TMEM232: variants seen among roughly 807,000 people sequenced by gnomAD.
The protein encoded by TMEM232 is transmembrane protein 232.
Under a neutral mutation model 78.8 loss-of-function variants are expected in TMEM232, and 80 were observed. The observed-to-expected ratio is 1.01, with a 90% confidence interval of 0.85 to 1.22. The LOEUF is 1.22. Ranked by LOEUF, TMEM232 falls within the 50% of genes most tolerant of loss-of-function variation. The pLI is 0.00. For synonymous variants in TMEM232, 297 were observed against 254.3 expected, an observed-to-expected ratio of 1.17 and a Z score of -1.60; for missense variants, 881 against 742.2, an observed-to-expected ratio of 1.19 and a Z score of -2.17.
intron 10 of TMEM232, among the ~76,000 whole-genome samples, chr5:110,600,647 G>A (rs914640031): frequency 1.3e-5 from 2 of 151,952 alleles, no homozygotes; most frequent in African/African-American, 4.8e-5. Flanking sequence ...CAAATAACAA[G>A]TTCTGAAATT....
At chr5:110,466,111 G>A (rs1203767750) in intron 12 of TMEM232, among the ~76,000 whole-genome samples, 1 of 152,158 alleles carries the variant, frequency 6.6e-6, no homozygotes, top group Admixed American at 6.5e-5. Flanking sequence ...AGGCATTTAT[G>A]GAGAGATTGG....
At chr5:110,453,852 T>G (rs377749279) in intron 12 of TMEM232, among the ~76,000 whole-genome samples, 1 of 150,228 alleles carries the variant, frequency 6.7e-6, no homozygotes, top group Non-Finnish European at 1.5e-5. Context: ...ACCAATGTTA[T>G]AAGACATCAG....
chr5:110,697,617 C>A (rs1466717828), intron 1 of TMEM232, among the ~76,000 whole-genome samples: 3 of 152,240 alleles, frequency 2.0e-5, no homozygotes, highest in Non-Finnish European at 4.4e-5. Context: ...AAACAAACAA[C>A]CCCATCAACA....
chr5:110,489,964 A>G (rs1005592699), intron 12 of TMEM232, among the ~76,000 whole-genome samples: 3 of 151,864 alleles, frequency 2.0e-5, no homozygotes, highest in African/African-American at 7.3e-5. Context: ...TCTCTACTAA[A>G]AATAGAAAAA....
At chr5:110,652,970 C>A (rs530546492) in intron 2 of TMEM232, among the ~76,000 whole-genome samples, 3 of 152,300 alleles carry the variant, frequency 2.0e-5, no homozygotes, top group African/African-American at 7.2e-5. Context: ...GCCATCCAAA[C>A]TGACTGTATT....
chr5:110,697,834 T>G (rs1331325319), intron 1 of TMEM232, among the ~76,000 whole-genome samples: 2 of 152,346 alleles, frequency 1.3e-5, no homozygotes, highest in Admixed American at 1.3e-4. Flanking sequence ...TTTACACTGT[T>G]GGTGGGACTG....
At chr5:110,666,793 C>T (rs571109650) in intron 2 of TMEM232, 2 of 153,634 alleles carry the variant, frequency 1.3e-5, no homozygotes, top group African/African-American at 2.4e-5. Context: ...TTATTTGTGA[C>T]TGTAAAGTCT....
chr5:110,643,608 T>C (rs1787056726), intron 2 of TMEM232, among the ~76,000 whole-genome samples: 1 of 152,054 alleles, frequency 6.6e-6, no homozygotes, highest in Non-Finnish European at 1.5e-5. Flanking sequence ...TTTTGTGAAG[T>C]AAAATTATTG....
At chr5:110,483,029 G>A (rs1020652230) in intron 12 of TMEM232, among the ~76,000 whole-genome samples, 5 of 152,086 alleles carry the variant, frequency 3.3e-5, no homozygotes, top group African/African-American at 9.7e-5. Context: ...AAGTATAAAA[G>A]TATAAATGTA....
chr5:110,661,696 C>T (rs2150106167), intron 2 of TMEM232, among the ~76,000 whole-genome samples: 1 of 152,284 alleles, frequency 6.6e-6, no homozygotes, highest in Non-Finnish European at 1.5e-5. Context: ...TATGACAATT[C>T]TATTTTTGGC....
At chr5:110,566,328 T>C (rs1363460515) in intron 11 of TMEM232, among the ~76,000 whole-genome samples, 1 of 151,900 alleles carries the variant, frequency 6.6e-6, no homozygotes, top group Non-Finnish European at 1.5e-5. Context: ...ATTTTCCCTT[T>C]TGTCTTGGTC....
chr5:110,651,273 G>T (rs1000418265), intron 2 of TMEM232, among the ~76,000 whole-genome samples: 3 of 152,102 alleles, frequency 2.0e-5, no homozygotes, highest in Non-Finnish European at 2.9e-5. Flanking sequence ...AATTTAACTA[G>T]AGTGATGTGG....
Position 110,394,684 on chromosome 5 carries a change from G to A in TMEM232, n.390+3089C>T, listed in dbSNP as rs986807254. ...TTTTCATTTCCTATTTTATCTCTTCGTTGACCCACTGGTCATTCAGGAGCA... is the reference window on the plus strand; with the variant it reads ...TTTTCATTTCCTATTTTATCTCTTCATTGACCCACTGGTCATTCAGGAGCA... On this transcript the variant is annotated intron_variant and non_coding_transcript_variant, in intron 3 of 8. Coordinates refer to the TMEM232 transcript ENST00000507188. Among the ~76,000 whole-genome samples the A allele has an allele frequency of 6.6e-5, 10 of 152,026 alleles. No individual in the cohort carries two copies. The South Asian group carries it at 8.3e-4, about 13-fold the overall frequency.
At chr5:110,640,857 C>T (rs759493663) in intron 4 of TMEM232, 34 bp downstream of exon 4, 9 of 1,419,784 alleles carry the variant, frequency 6.3e-6, no homozygotes, top group African/African-American at 4.3e-5. Context: ...ATAGAAAATA[C>T]TTAGGATGCC....
chr5:110,483,032 T>G (rs955324647), intron 12 of TMEM232, among the ~76,000 whole-genome samples: 1 of 152,312 alleles, frequency 6.6e-6, no homozygotes, highest in East Asian at 1.9e-4. Flanking sequence ...TATAAAAGTA[T>G]AAATGTATTT....
intron 12 of TMEM232, among the ~76,000 whole-genome samples, chr5:110,455,622 C>A (rs1160970061): frequency 1.3e-5 from 2 of 152,130 alleles, no homozygotes; most frequent in African/African-American, 2.4e-5. Flanking sequence ...TCGTTATCCA[C>A]CCGCCTCAGC....
At chr5:110,534,582 G>A (rs144257891) in intron 11 of TMEM232, among the ~76,000 whole-genome samples, 4,409 of 152,146 alleles carry the variant, frequency 0.029, 68 homozygotes, top group African/African-American at 0.047. Flanking sequence ...ACTATCTTCT[G>A]TCTAGTCATA....
chr5:110,422,321 C>T (rs922638065), intron 13 of TMEM232, among the ~76,000 whole-genome samples: 1 of 151,712 alleles, frequency 6.6e-6, no homozygotes, highest in African/African-American at 2.4e-5. Context: ...GGAGACCATC[C>T]TGGCTAACAC....
chr5:110,392,200 A>T (rs1432945782), intron 3 of TMEM232, among the ~76,000 whole-genome samples: 1 of 152,192 alleles, frequency 6.6e-6, no homozygotes, highest in African/African-American at 2.4e-5. Context: ...TGGTGCCTTA[A>T]TTGCTCTCCC....
Sources: allele counts gnomAD v4.1 joint callset (sites outside exome capture counted in the v4.1 genomes callset), GRCh38; gene constraint gnomAD v4.1.1; transcripts MANE v1.5; gene names NCBI Gene and HGNC (gene_info 2026-07-23, HGNC 2026-07-21).